Variants in GRIK2 observed in about 807,000 individuals in gnomAD.
The protein encoded by GRIK2 is glutamate receptor ionotropic, kainate 2.
In GRIK2, 32 loss-of-function variants were observed where a neutral mutation model predicts 100.3. The ratio of observed to expected loss-of-function variants is 0.32; its 90% confidence interval spans 0.24 to 0.43. The LOEUF is 0.43. GRIK2 is among the 20% of genes least tolerant of loss of function. The pLI, the probability that GRIK2 is intolerant of heterozygous loss-of-function variation, is 1.00. For missense variants in GRIK2, 843 were observed against 1,114.9 expected, an observed-to-expected ratio of 0.76 and a Z score of 3.47; for synonymous variants, 417 against 389.4, an observed-to-expected ratio of 1.07 and a Z score of -0.83.
intron 2 of GRIK2, among the ~76,000 whole-genome samples, chr6:101,478,390 A>G (rs889638810): frequency 6.6e-6 from 1 of 152,046 alleles, no homozygotes; most frequent in Non-Finnish European, 1.5e-5. Context: ...ATTAATGACA[A>G]CTAGATTAAG....
intron 4 of GRIK2, among the ~76,000 whole-genome samples, chr6:101,648,613 C>G (rs1781640961): frequency 6.6e-6 from 1 of 151,904 alleles, no homozygotes. Context: ...TGTCTTCAAT[C>G]CAAATAACAA....
intron 14 of GRIK2, among the ~76,000 whole-genome samples, chr6:101,962,609 A>G (rs1294432188): frequency 1.3e-5 from 2 of 152,094 alleles, no homozygotes; most frequent in Non-Finnish European, 2.9e-5. Flanking sequence ...TGTCTTATCC[A>G]TTATTGAAAG....
At chr6:101,620,574 A>G (rs1371570607) in intron 2 of GRIK2, among the ~76,000 whole-genome samples, 5 of 152,214 alleles carry the variant, frequency 3.3e-5, no homozygotes, top group Non-Finnish European at 7.3e-5. Context: ...GTAGTTTGCT[A>G]ATAGTATAGT....
chr6:101,823,129 A>G (rs962658724), intron 10 of GRIK2, among the ~76,000 whole-genome samples: 1 of 152,054 alleles, frequency 6.6e-6, no homozygotes, highest in African/African-American at 2.4e-5. Flanking sequence ...CCCCTCATTT[A>G]GTACTTAGTT....
At chr6:101,515,124 A>T (rs1006740614) in intron 2 of GRIK2, among the ~76,000 whole-genome samples, 1 of 152,070 alleles carries the variant, frequency 6.6e-6, no homozygotes, top group Non-Finnish European at 1.5e-5. Flanking sequence ...CTTAGCTTCC[A>T]CATATTAGTG....
chr6:101,628,068 C>T (rs17054628), intron 4 of GRIK2, among the ~76,000 whole-genome samples: 6,626 of 152,104 alleles, frequency 0.044, 272 homozygotes, highest in East Asian at 0.2. Context: ...TAGGACACTT[C>T]GCTATACTTT....
intron 2 of GRIK2, among the ~76,000 whole-genome samples, chr6:101,433,108 G>GA (rs1016270579): frequency 6.0e-4 from 92 of 152,150 alleles, no homozygotes; most frequent in African/African-American, 1.8e-3. Flanking sequence ...AATCCCAAGA[G>GA]AAAATCCCAG....
chr6:102,045,805 A>G (rs959854749), intron 15 of GRIK2, among the ~76,000 whole-genome samples: 9 of 152,126 alleles, frequency 5.9e-5, no homozygotes, highest in African/African-American at 1.9e-4. Flanking sequence ...AATTAAAATA[A>G]TGCTTTATTT....
intron 2 of GRIK2, among the ~76,000 whole-genome samples, chr6:101,589,451 C>T (rs1778539308): frequency 6.6e-6 from 1 of 152,112 alleles, no homozygotes. Flanking sequence ...CCAACACCCA[C>T]CCACCACCAC....
chr6:101,996,477 G>GC (rs1305984064), intron 14 of GRIK2, among the ~76,000 whole-genome samples: 1 of 152,014 alleles, frequency 6.6e-6, no homozygotes, highest in African/African-American at 2.4e-5. Context: ...GCCAAAAAGT[G>GC]CTGTTTCTAC....
intron 4 of GRIK2, among the ~76,000 whole-genome samples, chr6:101,640,805 A>G (rs1230573360): frequency 6.6e-6 from 1 of 152,120 alleles, no homozygotes; most frequent in African/African-American, 2.4e-5. Flanking sequence ...TCCACTTGAG[A>G]ATCACTGATC....
chr6:101,794,454 A>G (rs1780146322), intron 7 of GRIK2, among the ~76,000 whole-genome samples: 1 of 151,848 alleles, frequency 6.6e-6, no homozygotes, highest in Admixed American at 6.6e-5. Flanking sequence ...TATTGTGTTT[A>G]TATCAAAGGT....
chr6:101,998,132 G>A (rs1044298158), intron 14 of GRIK2, among the ~76,000 whole-genome samples: 3 of 151,872 alleles, frequency 2.0e-5, no homozygotes, highest in African/African-American at 7.3e-5. Context: ...CCTAATCATA[G>A]GCAACTACTG....
At chr6:101,440,283 T>C (rs1003813954) in intron 2 of GRIK2, among the ~76,000 whole-genome samples, 1 of 152,156 alleles carries the variant, frequency 6.6e-6, no homozygotes. Context: ...CCAATCTTAT[T>C]TGACAAGGTT....
chr6:101,878,380 A>C (rs1033189532), intron 11 of GRIK2, among the ~76,000 whole-genome samples: 1 of 151,462 alleles, frequency 6.6e-6, no homozygotes, highest in South Asian at 2.1e-4. Flanking sequence ...ATAAAATTAG[A>C]GTGAAGGAAG....
chr6:101,545,463 C>T (rs551292617), intron 2 of GRIK2, among the ~76,000 whole-genome samples: 2 of 152,156 alleles, frequency 1.3e-5, no homozygotes, highest in South Asian at 4.2e-4. Flanking sequence ...AAGTTGTATG[C>T]ATATTTTTCA....
chr6:101,505,702 A>C (rs1043863569), intron 2 of GRIK2, among the ~76,000 whole-genome samples: 5 of 151,164 alleles, frequency 3.3e-5, no homozygotes, highest in Admixed American at 2.6e-4. Flanking sequence ...TTGTCAAAAC[A>C]CTTCTCTGAT....
At chr6:101,685,885 CAGAG>C (rs909921075) in intron 6 of GRIK2, among the ~76,000 whole-genome samples, 9 of 152,146 alleles carry the variant, frequency 5.9e-5, no homozygotes, top group Admixed American at 2.0e-4. Context: ...CTATCCTAAA[CAGAG>C]AGAAGAAAGC....
intron 16 of GRIK2, chr6:102,066,012 T>C (rs948314672): frequency 2.9e-6 from 2 of 689,264 alleles, no homozygotes; most frequent in Non-Finnish European, 4.3e-6. Flanking sequence ...ATATAATTCA[T>C]GAATTGCAGA....
Sources: gnomAD v4.1 joint callset for allele counts (sites outside exome capture counted in the v4.1 genomes callset) on GRCh38, gnomAD v4.1.1 for gene constraint, MANE v1.5 for transcripts, NCBI Gene and HGNC (gene_info 2026-07-23, HGNC 2026-07-21) for gene names.